Variants in PDIA4 observed in about 807,000 individuals in gnomAD.
PDIA4 encodes protein disulfide-isomerase A4.
Under a neutral mutation model 62.1 loss-of-function variants are expected in PDIA4, and 33 were observed. The observed-to-expected ratio is 0.53, with a 90% CI of 0.40 to 0.71. The LOEUF (loss-of-function observed/expected upper bound fraction) is 0.71. PDIA4 is among the 30% of genes least tolerant of loss of function. PDIA4 has a pLI of 0.00. For synonymous variants in PDIA4, 341 were observed against 324.1 expected (o/e 1.05, Z -0.56); for missense variants, 804 against 813.6 (o/e 0.99, Z 0.14).
At chr7:149,017,413 G>A (rs1037672669) in intron 3 of PDIA4, among the ~76,000 whole-genome samples, 2 of 152,054 alleles carry the variant, frequency 1.3e-5, no homozygotes, top group African/African-American at 4.8e-5. Flanking sequence ...GAGAAACCCC[G>A]TCTCTACTGA....
chr7:149,027,726 C>T, intron 1 of PDIA4: 1 of 392,460 alleles, frequency 2.5e-6, no homozygotes, highest in Non-Finnish European at 5.2e-6. Context: ...GAACCCAGTA[C>T]AGGGACTGGC....
chr7:149,005,281 TC>T lies in PDIA4; in HGVS notation c.1381del (p.Glu461ArgfsTer2). 6.2e-7 allele frequency: 1 copy of T among 1,614,016 alleles called. No homozygotes were observed. ...AIADEEDYAG[E>X]VKDLGLSESG... ...CTCGCTGAGCCCCAGGTCCTTCACC[TC>T]CCCAGCATAGTCCTCTTCGTCCGCA... On this transcript the variant is annotated frameshift_variant, in exon 9 of 10. Transcript: ENST00000652332. LOFTEE classifies it high-confidence loss of function.
rs866012066 is a variant in PDIA4 at position 149,025,112 on chromosome 7, G to A, written c.88+3209C>T. Among the ~76,000 whole-genome samples, 734 of 116,914 alleles carry A rather than the reference G, an allele frequency of 6.3e-3. 7 individuals carry two copies. The highest frequency in any genetic ancestry group is 0.021 in the African/African-American group (671 of 31,620). 76.7% of individuals were successfully genotyped at this position (116,914 alleles called of 152,430 possible). A position where few individuals can be genotyped will look rare whatever the true frequency, so the allele number is the denominator to read the frequency against. ...TATATATATATATATATATATGTAT[G>A]TCCAGAGCCTTTCAGCACCCTCTGA... On this transcript the variant is annotated intron_variant, in intron 1 of 9. Coordinates refer to ENST00000652332, the MANE Select transcript of PDIA4 (RefSeq NM_004911.5).
rs150817731 is a variant in PDIA4, at chr7:149,005,972, C to T, written c.1213G>A (p.Asp405Asn). 4.5e-6 allele frequency: 7 copies of T among 1,539,640 alleles called. No homozygotes were observed. In the African/African-American group the frequency reaches 8.6e-5, roughly 19 times the overall value. Residue 405 changes from aspartate (D) to asparagine (N), a missense_variant, in exon 8 of 10, where the codon GAT becomes AAT. Transcript: ENST00000652332. ...PLVGHRKVSN[D>N]AKRYTRRPLV... ...GGGCGCCTGGTGTAGCGCTTAGCAT[C>T]GTTTGACACCTTGCGGTGGCCAACC...
chr7:149,008,087 A>G (rs1823822322), intron 7 of PDIA4, 72 bp downstream of exon 7: 2 of 1,426,604 alleles, frequency 1.4e-6, no homozygotes, highest in Non-Finnish European at 1.9e-6. Flanking sequence ...TTGAAACCTC[A>G]GAGGTGGCTC....
Position 149,005,387 on chromosome 7 carries a change from A to G in PDIA4, c.1289-13T>C. 6.3e-7 allele frequency: 1 copy of G among 1,583,254 alleles called. No homozygotes were observed. The highest frequency in any genetic ancestry group is 1.1e-5 in the South Asian group (1 of 90,494). On this transcript the variant is annotated splice_polypyrimidine_tract_variant and intron_variant, in intron 8 of 9. Coordinates refer to ENST00000652332, the MANE Select transcript of PDIA4 (RefSeq NM_004911.5). ...CAAAACTGAGTTGCTGAAAGGGACC[A>G]AGGGCCATAAGCCAGGCGGCCACAC...
At chr7:149,004,369 A>G (rs1823667739) in intron 9 of PDIA4, among the ~76,000 whole-genome samples, 160 bp from the exon 10 acceptor site, 1 of 151,856 alleles carries the variant, frequency 6.6e-6, no homozygotes, top group African/African-American at 2.4e-5. Context: ...GCTACTCTCT[A>G]CTCTCTGTCC....
At chr7:149,020,912 G>C in intron 2 of PDIA4, 55 bp downstream of exon 2, 1 of 1,582,128 alleles carries the variant, frequency 6.3e-7, no homozygotes, top group Non-Finnish European at 8.6e-7. Flanking sequence ...GTGAAGGGCT[G>C]AGCGAATGGA....
rs2129503840 is a variant in PDIA4, at chr7:149,005,882, G to A, written c.1288+15C>T. 6.7e-7 allele frequency: 1 copy of A among 1,492,210 alleles called. No homozygotes were observed. Among genetic ancestry groups the A allele is most frequent in the Non-Finnish European group, 8.9e-7 (1 of 1,128,852 alleles). The allele number at this position is 1,492,210 out of a possible 1,614,324, so 92.4% of individuals were successfully genotyped here. ...CCACCCCCCACCCCCGCAGGTCTTG[G>A]TGGGGGTCCCTCACCAGCTCTGTAA... On this transcript the variant is annotated intron_variant, in intron 8 of 9. Transcript: ENST00000652332.
rs779350243 is a variant in PDIA4 at position 149,003,997 on chromosome 7, C to T, written c.1735G>A (p.Val579Ile). The T allele has an allele frequency of 5.6e-6, 9 of 1,613,894 alleles. No individual in the cohort carries two copies. The South Asian group carries it at 9.9e-5, about 18-fold the overall frequency. Residue 579 changes from valine (V) to isoleucine (I), a missense_variant, in exon 10 of 10, where the codon GTC becomes ATC. By Grantham distance (29) the Val-to-Ile change is conservative. Transcript: ENST00000652332. ...AKKYKGQKGLVIAKMDATAND... is the reference protein window; with the variant it reads ...AKKYKGQKGLIIAKMDATAND... ...GCAGTGGCGTCCATCTTGGCGATGA[C>T]CAGGCCCTTTTGGCCCTTGTACTTC... is the stretch of plus-strand genomic sequence containing the variant.
chr7:149,028,060 A>AC (rs1824620805), intron 1 of PDIA4: 1 of 636,080 alleles, frequency 1.6e-6, no homozygotes, highest in South Asian at 1.6e-5. Context: ...GCCTCGGGTG[A>AC]CAGGGGTCTT....
At chr7:149,010,096 CAT>C (rs1479644365) in intron 6 of PDIA4, among the ~76,000 whole-genome samples, 3 of 152,172 alleles carry the variant, frequency 2.0e-5, no homozygotes, top group Non-Finnish European at 4.4e-5. Flanking sequence ...GACTTAGATT[CAT>C]ATGATAGGTT....
intron 7 of PDIA4, 48 bp downstream of exon 7, chr7:149,008,111 C>T: frequency 6.3e-7 from 1 of 1,581,508 alleles, no homozygotes. Flanking sequence ...GCAGAGTCCT[C>T]ATGCCTGCGG....
chr7:149,020,151 G>T lies in PDIA4; in HGVS notation c.269+816C>A, dbSNP rs551475295. 2.6e-5 allele frequency among the ~76,000 whole-genome samples: 4 copies of T among 152,200 alleles called. No individual in the cohort carries two copies. In the East Asian group the frequency reaches 7.7e-4, roughly 29 times the overall value. ...AATTTTTGTATTTTTAGTAGAGATG[G>T]GGGTTCACCATGTTGGCCAGGCTGG... On this transcript the variant is annotated intron_variant, in intron 2 of 9. Coordinates refer to ENST00000652332, the MANE Select transcript of PDIA4 (RefSeq NM_004911.5).
intron 1 of PDIA4, chr7:149,028,099 G>T: frequency 1.7e-6 from 1 of 600,606 alleles, no homozygotes; most frequent in Non-Finnish European, 3.0e-6. Context: ...AGAGACCCCG[G>T]CCACCTTCCT....
At position 149,005,992 on chromosome 7, in the gene PDIA4, C is replaced by CCAACCAGGGGCAGGG. The variant is rs2129503859; in HGVS notation, c.1178_1192dup (p.Ala393_Val397dup). 1.3e-6 allele frequency: 2 copies of CCAACCAGGGGCAGGG among 1,547,352 alleles called. No homozygotes were observed. The highest frequency in any genetic ancestry group is 1.7e-6 in the Non-Finnish European group (2 of 1,156,034). On this transcript the variant is annotated inframe_insertion, in exon 8 of 10. Transcript: ENST00000652332. ...AGCATCGTTTGACACCTTGCGGTGG[C>CCAACCAGGGGCAGGG]CAACCAGGGGCAGGGCGTACTTCAG... is the stretch of plus-strand genomic sequence containing the variant.
intron 1 of PDIA4, among the ~76,000 whole-genome samples, chr7:149,026,549 G>A (rs1824565363): frequency 6.6e-6 from 1 of 152,020 alleles, no homozygotes; most frequent in Non-Finnish European, 1.5e-5. Context: ...TACTAGGGAG[G>A]TGGAGAAAGG....
In PDIA4 at chr7:149,014,953, C is replaced by T. The variant is rs1303416868; in HGVS notation, c.565G>A (p.Glu189Lys). Residue 189 changes from glutamate to lysine, a missense_variant, in exon 4 of 10, where the codon GAA becomes AAA. Transcript: ENST00000652332. The part of the protein sequence containing the change: ...TLVLTKENFD[E>K]VVNDADIILV... The stretch of plus-strand genomic sequence containing the variant: ...ATGATATCTGCATCATTCACAACTT[C>T]ATCAAAGTTCTCTTTGGTCAACACA... The T allele has an allele frequency of 6.2e-7, 1 of 1,614,168 alleles. No individual in the cohort carries two copies. Among genetic ancestry groups the T allele is most frequent in the Non-Finnish European group, 8.5e-7 (1 of 1,179,980 alleles).
chr7:149,008,270 G>T lies in PDIA4; in HGVS notation c.1020C>A (p.Phe340Leu). ...TCAAGAACTTTGCTATTTCTGTGCTGAAAGTGTGGTGAAATTTGTAATCTT... is the reference window on the plus strand; with the variant it reads ...TCAAGAACTTTGCTATTTCTGTGCTTAAAGTGTGGTGAAATTTGTAATCTT... ...LREDYKFHHT[F>L]STEIAKFLKV... Residue 340 changes from phenylalanine (F) to leucine (L), a missense_variant, in exon 7 of 10, where the codon TTC becomes TTA. Transcript: ENST00000652332. 6.2e-7 allele frequency: 1 copy of T among 1,613,924 alleles called. No homozygotes were observed. Among genetic ancestry groups the T allele is most frequent in the Non-Finnish European group, 8.5e-7 (1 of 1,179,894 alleles).
Sources: gnomAD v4.1 joint callset for allele counts (sites outside exome capture counted in the v4.1 genomes callset) on GRCh38, gnomAD v4.1.1 for gene constraint, MANE v1.5 for transcripts, NCBI Gene and HGNC (gene_info 2026-07-23, HGNC 2026-07-21) for gene names.